PAXIP1: variants seen among roughly 807,000 people sequenced by gnomAD.
PAXIP1 encodes the protein PAX-interacting protein 1.
PAXIP1 carries 19 observed loss-of-function variants against 140.6 expected under a neutral mutation model. The observed-to-expected ratio is 0.14, with a 90% CI of 0.09 to 0.20. The LOEUF is 0.20. PAXIP1 is among the 10% of genes least tolerant of loss of function. PAXIP1 has a pLI of 1.00. For missense variants in PAXIP1, 920 were observed against 1,208.6 expected, an observed-to-expected ratio of 0.76 and a Z score of 3.54; for synonymous variants, 442 against 444.6, an observed-to-expected ratio of 0.99 and a Z score of 0.07.
intron 12 of PAXIP1, among the ~76,000 whole-genome samples, chr7:154,960,169 G>C (rs919380009): frequency 6.6e-6 from 1 of 152,136 alleles, no homozygotes; most frequent in African/African-American, 2.4e-5. Flanking sequence ...TAAGACCATC[G>C]GCAGCAAACA....
At chr7:154,998,912 C>A in intron 1 of PAXIP1, 128 bp from the exon 2 acceptor site, 2 of 796,030 alleles carry the variant, frequency 2.5e-6, no homozygotes, top group East Asian at 5.4e-5. Context: ...CACATAAAAA[C>A]TAACAGCCTT....
At chr7:154,949,139 C>T (rs1158280040) in intron 16 of PAXIP1, 1 of 152,118 alleles carries the variant, frequency 6.6e-6, no homozygotes, top group Non-Finnish European at 1.5e-5. Context: ...ATAATATATA[C>T]ATCAAAAGCA....
intron 10 of PAXIP1, 86 bp from the exon 11 acceptor site, chr7:154,961,734 C>A: frequency 8.8e-7 from 1 of 1,133,086 alleles, no homozygotes; most frequent in Non-Finnish European, 1.2e-6. Flanking sequence ...TTAGTTGATA[C>A]ATATTTTTTC....
rs140098843 is a variant in PAXIP1, at chr7:154,984,544, A to G, written c.325-1212T>C. Among the ~76,000 whole-genome samples the G allele has an allele frequency of 2.5e-3, 382 of 152,338 alleles. 2 individuals are homozygous for G. Among genetic ancestry groups the G allele is most frequent in the African/African-American group, 8.6e-3 (359 of 41,582 alleles). On this transcript the variant is annotated intron_variant, in intron 4 of 20. Transcript: ENST00000404141. ...CAAACATTTCTAGAAATTATTCTGT[A>G]TTACACACTATTCTATGAATATTAA...
chr7:154,944,901 C>T (rs1437504763), intron 20 of PAXIP1: 1 of 151,892 alleles, frequency 6.6e-6, no homozygotes, highest in Non-Finnish European at 1.5e-5. Flanking sequence ...GTTTCTGCAC[C>T]AAGCCTCATT....
At chr7:154,991,211 G>A in intron 3 of PAXIP1, 142 bp from the exon 4 acceptor site, 1 of 502,108 alleles carries the variant, frequency 2.0e-6, no homozygotes. Flanking sequence ...AGAGTACAGG[G>A]CAGAGTGGAA....
In PAXIP1 at chr7:154,998,783, A is replaced by G. The variant is rs928645882; in HGVS notation, c.83T>C (p.Val28Ala). ...TTTTCCAGCCTTGAGAAGCTGAATA[A>G]CCTAAAAAACAAGAAAATCCACACA... ...YYAVGDIDPQ[V>A]IQLLKAGKAK... The change falls in exon 2 of 21, where the codon GTT becomes GCT. Residue 28 changes from valine (V) to alanine (A), a missense_variant and splice_region_variant. Coordinates refer to ENST00000404141, the MANE Select transcript of PAXIP1 (RefSeq NM_007349.4). 2 of 1,608,756 alleles carry G rather than the reference A, an allele frequency of 1.2e-6. No homozygotes were observed. Among genetic ancestry groups the G allele is most frequent in the Non-Finnish European group, 1.7e-6 (2 of 1,177,116 alleles).
intron 5 of PAXIP1, among the ~76,000 whole-genome samples, chr7:154,981,052 T>C (rs1385787690): frequency 2.0e-5 from 3 of 151,620 alleles, no homozygotes; most frequent in African/African-American, 7.3e-5. Flanking sequence ...ACCCGGGAGA[T>C]GGAGGATGCA....
chr7:154,978,129 T>C (rs556617390), intron 5 of PAXIP1, among the ~76,000 whole-genome samples: 6 of 152,346 alleles, frequency 3.9e-5, no homozygotes, highest in African/African-American at 1.2e-4. Flanking sequence ...ATAATTATCA[T>C]AGCAGCACAA....
At chr7:154,961,688 C>CA in intron 10 of PAXIP1, 40 bp from the exon 11 acceptor site, 1 of 1,500,412 alleles carries the variant, frequency 6.7e-7, no homozygotes. Flanking sequence ...ACAAAATAAG[C>CA]AAAAAACCAA....
At chr7:154,949,597 T>C (rs1480060638) in intron 16 of PAXIP1, 2 of 152,152 alleles carry the variant, frequency 1.3e-5, no homozygotes, top group South Asian at 2.1e-4. Flanking sequence ...GAATAGTTAA[T>C]GTTTATGATA....
Position 154,944,003 on chromosome 7 carries a change from T to C in PAXIP1, c.*146A>G. On this transcript the variant is annotated 3_prime_UTR_variant, in exon 21 of 21. Coordinates refer to ENST00000404141, the MANE Select transcript of PAXIP1 (RefSeq NM_007349.4). ...TCTTAAAAAGATGCAGTATATTTAT[T>C]ATATCTGTCTTCCTGCTTCACAGTC... 1.4e-6 allele frequency: 1 copy of C among 735,320 alleles called. No homozygotes were observed. Among genetic ancestry groups the C allele is most frequent in the East Asian group, 2.7e-5 (1 of 36,596 alleles). 45.5% of individuals were successfully genotyped at this position (735,320 alleles called of 1,614,324 possible).
At chr7:154,955,872 T>C (rs1321454021) in intron 14 of PAXIP1, among the ~76,000 whole-genome samples, 2 of 152,240 alleles carry the variant, frequency 1.3e-5, no homozygotes, top group Non-Finnish European at 2.9e-5. Flanking sequence ...CACTTTTGGT[T>C]AAGATCAATA....
intron 15 of PAXIP1, 112 bp downstream of exon 15, chr7:154,955,417 G>T: frequency 1.5e-6 from 1 of 662,718 alleles, no homozygotes; most frequent in South Asian, 1.8e-5. Context: ...GCACCATAAA[G>T]ACTGTTATAA....
At chr7:154,969,720 C>T (rs940182476) in intron 6 of PAXIP1, among the ~76,000 whole-genome samples, 1 of 152,202 alleles carries the variant, frequency 6.6e-6, no homozygotes, top group Non-Finnish European at 1.5e-5. Flanking sequence ...ATGACCCAAG[C>T]TGTGAGTCCA....
chr7:154,967,706 G>T, intron 8 of PAXIP1, 110 bp downstream of exon 8: 1 of 706,726 alleles, frequency 1.4e-6, no homozygotes, highest in Non-Finnish European at 2.4e-6. Flanking sequence ...CACACATTCA[G>T]AACACGTGCA....
chr7:154,969,226 T>C, intron 6 of PAXIP1, 100 bp from the exon 7 acceptor site: 10 of 1,239,870 alleles, frequency 8.1e-6, no homozygotes, highest in Non-Finnish European at 1.1e-5. Flanking sequence ...TTATTAACAA[T>C]ATTCAACTAA....
At position 154,967,868 on chromosome 7, in the gene PAXIP1, G is replaced by A. The variant is rs753309236; in HGVS notation, c.1841C>T (p.Ala614Val). The change falls in exon 8 of 21, where the codon GCG becomes GTG. Residue 614 changes from alanine to valine, a missense_variant. Coordinates refer to ENST00000404141, the MANE Select transcript of PAXIP1 (RefSeq NM_007349.4). ...ATCAGACATCTGCTCTGGATAATCCGCAATTGCAAACACACATCCCAATAA... is the reference window on the plus strand; with the variant it reads ...ATCAGACATCTGCTCTGGATAATCCACAATTGCAAACACACATCCCAATAA... ...GFLLGCVFAI[A>V]DYPEQMSDKQ... is the part of the protein sequence containing the mutation. 6.8e-6 allele frequency: 11 copies of A among 1,613,600 alleles called. No homozygotes were observed. Among genetic ancestry groups the A allele is most frequent in the East Asian group, 6.7e-5 (3 of 44,878 alleles).
intron 4 of PAXIP1, among the ~76,000 whole-genome samples, chr7:154,990,033 T>TTC (rs1160301982): frequency 7.0e-6 from 1 of 143,428 alleles, no homozygotes; most frequent in African/African-American, 2.5e-5. Flanking sequence ...TGGGATAAGT[T>TTC]TCTCTTTTTT....
Sources: gnomAD v4.1 joint callset for allele counts (sites outside exome capture counted in the v4.1 genomes callset) on GRCh38, gnomAD v4.1.1 for gene constraint, MANE v1.5 for transcripts, NCBI Gene and HGNC (gene_info 2026-07-23, HGNC 2026-07-21) for gene names.